The following ARID4B variants were observed in gnomAD, a reference collection of about 807,000 sequenced individuals.
ARID4B encodes the protein AT-rich interaction domain 4B.
ARID4B carries 26 observed loss-of-function variants against 147.5 expected under a neutral mutation model. The ratio of observed to expected loss-of-function variants is 0.18; its 90% CI spans 0.13 to 0.24. The LOEUF (loss-of-function observed/expected upper bound fraction) is 0.24, where lower values mean the gene tolerates loss of function less well. Among genes scored for constraint, ARID4B ranks in the 10% least tolerant of loss-of-function variants. The probability of loss-of-function intolerance (pLI) is 1.00; values close to 1 mark genes in which losing one functional copy is unlikely to be tolerated. For synonymous variants in ARID4B, 512 were observed against 507.9 expected, an observed-to-expected ratio of 1.01 and a Z score of -0.11; for missense variants, 1,179 against 1,511.5, an observed-to-expected ratio of 0.78 and a Z score of 3.65.
intron 2 of ARID4B, among the ~76,000 whole-genome samples, chr1:235,297,644 C>T (rs768033998): frequency 6.6e-5 from 10 of 152,080 alleles, no homozygotes; most frequent in Admixed American, 4.6e-4. Flanking sequence ...CCCAGCAATA[C>T]TGAAAGTGAA....
chr1:235,318,241 A>T (rs1674575945), intron 2 of ARID4B, among the ~76,000 whole-genome samples: 1 of 130,016 alleles, frequency 7.7e-6, no homozygotes, highest in African/African-American at 3.1e-5. Flanking sequence ...CAGTGGCGCC[A>T]TCGCAGCTCA....
At chr1:235,200,046 C>T (rs573986445) in intron 17 of ARID4B, among the ~76,000 whole-genome samples, 58 of 150,462 alleles carry the variant, frequency 3.9e-4, no homozygotes, top group Non-Finnish European at 4.3e-4. Context: ...AGGCCGGGCA[C>T]GGTGGCTCAC....
intron 2 of ARID4B, among the ~76,000 whole-genome samples, chr1:235,263,948 C>T (rs147777789): frequency 1.2e-3 from 175 of 151,608 alleles, no homozygotes; most frequent in African/African-American, 4.1e-3. Context: ...GAGCCAAGAT[C>T]GTGCCACTGC....
intron 9 of ARID4B, among the ~76,000 whole-genome samples, chr1:235,232,366 G>C (rs977562616): frequency 6.6e-6 from 1 of 152,040 alleles, no homozygotes; most frequent in African/African-American, 2.4e-5. Context: ...GTTGCAGTGA[G>C]CTGAGATTGC....
At chr1:235,249,957 AT>A (rs1236493666) in intron 6 of ARID4B, among the ~76,000 whole-genome samples, 224 of 144,784 alleles carry the variant, frequency 1.5e-3, no homozygotes, top group African/African-American at 5.5e-3. Flanking sequence ...AAAAAAAAAA[AT>A]TAGCCAGGCG....
At chr1:235,177,596 G>A (rs563716190) in intron 21 of ARID4B, 7 of 443,146 alleles carry the variant, frequency 1.6e-5, no homozygotes, top group Non-Finnish European at 2.8e-5. Context: ...ATTTACATTA[G>A]GTATTTGTCC....
intron 2 of ARID4B, among the ~76,000 whole-genome samples, chr1:235,315,466 T>C (rs953229673): frequency 2.6e-5 from 4 of 152,218 alleles, no homozygotes; most frequent in Non-Finnish European, 5.9e-5. Flanking sequence ...GTCCAAGATA[T>C]AGTGTAAGTA....
intron 13 of ARID4B, among the ~76,000 whole-genome samples, chr1:235,222,949 T>C (rs956783468): frequency 6.6e-6 from 1 of 152,008 alleles, no homozygotes; most frequent in Non-Finnish European, 1.5e-5. Flanking sequence ...TCCCAAAGTG[T>C]TGGGGTTGCA....
At chr1:235,225,613 A>G (rs1039471677) in intron 11 of ARID4B, among the ~76,000 whole-genome samples, 3 of 152,250 alleles carry the variant, frequency 2.0e-5, no homozygotes, top group Non-Finnish European at 2.9e-5. Context: ...GTTACAGAAC[A>G]TGATTAGGAG....
intron 2 of ARID4B, among the ~76,000 whole-genome samples, chr1:235,274,369 A>T (rs934741276): frequency 6.6e-5 from 10 of 151,978 alleles, no homozygotes; most frequent in African/African-American, 2.4e-4. Context: ...TGAGACTCCG[A>T]CTCAAAAATA....
At chr1:235,282,697 G>A (rs577644996) in intron 2 of ARID4B, among the ~76,000 whole-genome samples, 8 of 152,246 alleles carry the variant, frequency 5.3e-5, no homozygotes, top group African/African-American at 1.9e-4. Context: ...AGAAAAATTA[G>A]AGAAAGAGAA....
chr1:235,175,244 G>C lies in ARID4B; in HGVS notation c.3604C>G (p.Pro1202Ala). 6.2e-7 allele frequency: 1 copy of C among 1,614,140 alleles called. No homozygotes were observed. The highest frequency in any genetic ancestry group is 8.5e-7 in the Non-Finnish European group (1 of 1,180,022). The change falls in exon 22 of 24, where the codon CCT becomes GCT. Residue 1202 changes from proline to alanine, a missense_variant. Pro to Ala is a conservative substitution (Grantham distance 27). Around this residue, in one of 10 missense-constraint regions of ARID4B, gnomAD observed 357 missense variants for 427.3 expected, o/e 0.84. Coordinates refer to ENST00000264183, the MANE Select transcript of ARID4B (RefSeq NM_016374.6). ...CGATTACTGGGTTCCTTGAGATCAG[G>C]ATCCTTATCACCATTCTTTCCACAT... Reference protein sequence around the residue: ...GKCGKNGDKDPDLKEPSNRLP... With the variant: ...GKCGKNGDKDADLKEPSNRLP...
intron 16 of ARID4B, among the ~76,000 whole-genome samples, chr1:235,217,191 C>A (rs186982654): frequency 7.4e-4 from 112 of 152,188 alleles, no homozygotes; most frequent in African/African-American, 2.7e-3. Context: ...ATGAAATTCA[C>A]TTTAATAATA....
Position 235,220,546 on chromosome 1 carries a change from C to G in ARID4B, c.1164-1G>C. The G allele has an allele frequency of 6.5e-7, 1 of 1,549,930 alleles. No individual in the cohort carries two copies. The highest frequency in any genetic ancestry group is 8.7e-7 in the Non-Finnish European group (1 of 1,150,886). On this transcript the variant is annotated splice_acceptor_variant, in intron 14 of 23. Coordinates refer to ENST00000264183, the MANE Select transcript of ARID4B (RefSeq NM_016374.6). LOFTEE classifies it high-confidence loss of function. ...GTACTCCTCAAAACCATATAAGTAT[C>G]TGGAAACATGAAGAGAAATTACATT...
At chr1:235,220,080 T>C (rs545403544) in intron 15 of ARID4B, 112 bp from the exon 16 acceptor site, 3 of 827,588 alleles carry the variant, frequency 3.6e-6, no homozygotes, top group Middle Eastern at 3.8e-4. Flanking sequence ...TTAAAAGTTA[T>C]AAATTACTTT....
At position 235,167,228 on chromosome 1, in the gene ARID4B, A is replaced by G. The variant is rs2102880595; in HGVS notation, c.*1297T>C. On this transcript the variant is annotated 3_prime_UTR_variant, in exon 24 of 24. Coordinates refer to ENST00000264183, the MANE Select transcript of ARID4B (RefSeq NM_016374.6). ...TTCCCACGTCGTATTGCCAGGAAACAAAGAAAACATGCCAGCCCCATCCAA... is the reference window on the plus strand; with the variant it reads ...TTCCCACGTCGTATTGCCAGGAAACGAAGAAAACATGCCAGCCCCATCCAA... The G allele has an allele frequency of 4.7e-6, 1 of 213,100 alleles. No homozygotes were observed. Among genetic ancestry groups the G allele is most frequent in the African/African-American group, 2.3e-5 (1 of 44,306 alleles). 13.2% of individuals were successfully genotyped at this position (213,100 alleles called of 1,614,324 possible).
chr1:235,271,857 G>A (rs4659480), intron 2 of ARID4B, among the ~76,000 whole-genome samples: 44,251 of 151,210 alleles, frequency 0.29, 7,622 homozygotes, highest in South Asian at 0.53. Context: ...GTTGAGTCAC[G>A]AGAATCACTT....
chr1:235,257,369 A>G (rs1670047088), intron 3 of ARID4B, 144 bp from the exon 4 acceptor site: 3 of 564,368 alleles, frequency 5.3e-6, no homozygotes, highest in Admixed American at 3.1e-5. Context: ...AAGTAGATTA[A>G]CTAAAAAATT....
Position 235,190,972 on chromosome 1 carries a change from T to C in ARID4B, c.2125+3041A>G, listed in dbSNP as rs183133984. ...ACCTGCTACCGCCTCTCTGTAGTCT[T>C]TGAATGCCTGAGTGACCCAGACTGG... On this transcript the variant is annotated intron_variant, in intron 19 of 23. Transcript: ENST00000264183. 7.9e-5 allele frequency among the ~76,000 whole-genome samples: 12 copies of C among 152,340 alleles called. No homozygotes were observed. In the East Asian group the frequency reaches 2.1e-3, roughly 27 times the overall value.
Sources: gnomAD v4.1 joint callset for allele counts (sites outside exome capture counted in the v4.1 genomes callset) on GRCh38, gnomAD v4.1.1 for gene constraint, gnomAD v4.1.1 regional missense constraint, MANE v1.5 for transcripts, NCBI Gene and HGNC (gene_info 2026-07-23, HGNC 2026-07-21) for gene names.